The following DMD variants were observed in gnomAD, a reference collection of about 807,000 sequenced individuals.
DMD encodes the protein mutant dystrophin.
DMD carries 63 observed loss-of-function variants against 330.1 expected under a neutral mutation model. The ratio of observed to expected loss-of-function variants is 0.19; its 90% confidence interval spans 0.16 to 0.24. The LOEUF is 0.24. Among genes scored for constraint, DMD ranks in the 10% least tolerant of loss-of-function variants. The probability of loss-of-function intolerance (pLI) is 1.00; values close to 1 mark genes in which losing one functional copy is unlikely to be tolerated. For synonymous variants in DMD, 1,223 were observed against 959.8 expected, an observed-to-expected ratio of 1.27 and a Z score of -5.07; for missense variants, 3,344 against 2,684.1, an observed-to-expected ratio of 1.25 and a Z score of -5.43.
At chrX:33,318,470 CAG>C (rs1291450362) in intron 1 of DMD, among the ~76,000 whole-genome samples, 2 of 102,270 alleles carry the variant, frequency 2.0e-5, no homozygotes, top group African/African-American at 7.2e-5. Context: ...TTTTTCGAGA[CAG>C]AGTCTTGCTC....
chrX:31,951,856 G>A (rs1009840744), intron 45 of DMD, among the ~76,000 whole-genome samples: 2 of 111,237 alleles, frequency 1.8e-5, no homozygotes, highest in Non-Finnish European at 3.8e-5. Flanking sequence ...TTTTCAGCCT[G>A]AATGACTTTA....
chrX:32,304,344 C>T (rs751953610), intron 42 of DMD, among the ~76,000 whole-genome samples: 124 of 110,875 alleles, frequency 1.1e-3, no homozygotes, highest in African/African-American at 3.7e-3. Context: ...AGTAGGAGTG[C>T]GTTCTTAAAG....
chrX:32,809,672 C>T (rs1356338678), intron 6 of DMD, 61 bp from the exon 7 acceptor site: 12 of 997,587 alleles, frequency 1.2e-5, no homozygotes, highest in Non-Finnish European at 1.7e-5. Flanking sequence ...TAGAATGTTC[C>T]ATGAGATTTA....
intron 7 of DMD, among the ~76,000 whole-genome samples, chrX:32,793,655 T>C (rs2148646681): frequency 9.0e-6 from 1 of 111,116 alleles, no homozygotes; most frequent in African/African-American, 3.3e-5. Flanking sequence ...AAACTAAAAA[T>C]CTAGAGGAAT....
intron 41 of DMD, among the ~76,000 whole-genome samples, chrX:32,332,639 G>C (rs2097686643): frequency 9.0e-6 from 1 of 110,697 alleles, no homozygotes; most frequent in Non-Finnish European, 1.9e-5. Flanking sequence ...GCAGAGGAAA[G>C]TATTAAGAGA....
intron 67 of DMD, among the ~76,000 whole-genome samples, chrX:31,191,637 C>T (rs2042377346): frequency 8.9e-6 from 1 of 111,858 alleles, no homozygotes; most frequent in South Asian, 3.8e-4. Flanking sequence ...TTGTGACTTG[C>T]TCCTCCTTGC....
At chrX:31,928,495 A>T (rs1029671102) in intron 47 of DMD, among the ~76,000 whole-genome samples, 1 of 110,797 alleles carries the variant, frequency 9.0e-6, no homozygotes, top group Non-Finnish European at 1.9e-5. Context: ...AATCCCAGCT[A>T]CTAGGGAGGC....
intron 55 of DMD, among the ~76,000 whole-genome samples, chrX:31,595,240 T>C (rs752459215): frequency 9.0e-5 from 10 of 111,602 alleles, no homozygotes; most frequent in Non-Finnish European, 1.9e-4. Flanking sequence ...GACTTCAATA[T>C]GCTTCCATTT....
At chrX:31,480,387 T>C (rs2068167554) in intron 57 of DMD, among the ~76,000 whole-genome samples, 1 of 111,665 alleles carries the variant, frequency 9.0e-6, no homozygotes, top group Non-Finnish European at 1.9e-5. Flanking sequence ...TGAACCAAAA[T>C]ACTGGAGTTC....
chrX:32,992,091 T>A (rs2092993267), intron 2 of DMD, among the ~76,000 whole-genome samples: 1 of 112,165 alleles, frequency 8.9e-6, no homozygotes, highest in African/African-American at 3.2e-5. Context: ...TAAAGACAAA[T>A]GCATACTTAA....
At chrX:31,280,651 C>A (rs1325565924) in intron 62 of DMD, among the ~76,000 whole-genome samples, 3 of 111,897 alleles carry the variant, frequency 2.7e-5, no homozygotes, top group Admixed American at 9.5e-5. Context: ...GCCCTAAAAT[C>A]AAATTTAACA....
chrX:32,824,883 G>A (rs754959892), intron 4 of DMD, among the ~76,000 whole-genome samples: 3 of 111,492 alleles, frequency 2.7e-5, no homozygotes, highest in Admixed American at 1.9e-4. Context: ...AGGGGAGATT[G>A]ATCATTCAAG....
chrX:32,528,385 T>C (rs1354390638), intron 17 of DMD, among the ~76,000 whole-genome samples: 1 of 112,371 alleles, frequency 8.9e-6, no homozygotes, highest in Non-Finnish European at 1.9e-5. Flanking sequence ...CTAATTTTTA[T>C]CTTTCTGGTA....
chrX:32,872,528 C>T (rs1206804860), intron 2 of DMD, among the ~76,000 whole-genome samples: 2 of 111,886 alleles, frequency 1.8e-5, no homozygotes, highest in South Asian at 7.4e-4. Context: ...AGAAGATGAA[C>T]AACAAATAAG....
chrX:31,584,687 G>T (rs942347375), intron 55 of DMD, among the ~76,000 whole-genome samples: 2 of 111,574 alleles, frequency 1.8e-5, no homozygotes, highest in Non-Finnish European at 3.8e-5. Context: ...CTGTGCTACA[G>T]TTTCACAAAG....
At chrX:32,115,088 G>T (rs1175045068) in intron 44 of DMD, among the ~76,000 whole-genome samples, 1 of 111,845 alleles carries the variant, frequency 8.9e-6, no homozygotes, top group East Asian at 2.8e-4. Context: ...CACAGAAGTT[G>T]CTTTTGTCTC....
chrX:32,368,042 T>G (rs2097860440), intron 34 of DMD, among the ~76,000 whole-genome samples: 1 of 111,879 alleles, frequency 8.9e-6, no homozygotes, highest in African/African-American at 3.2e-5. Flanking sequence ...CCTTAAATTT[T>G]TCCCTCAAAT....
intron 60 of DMD, among the ~76,000 whole-genome samples, chrX:31,425,321 T>C (rs1484371348): frequency 1.8e-5 from 2 of 112,404 alleles, no homozygotes; most frequent in Non-Finnish European, 3.7e-5. Flanking sequence ...CAAATGGTGA[T>C]AAGAAAGCCA....
intron 1 of DMD, among the ~76,000 whole-genome samples, chrX:33,103,180 G>A (rs1191173563): frequency 2.7e-5 from 3 of 111,350 alleles, no homozygotes; most frequent in African/African-American, 6.5e-5. Context: ...TATTAAATAC[G>A]TCCAGAATTC....
Sources: gnomAD v4.1 joint callset for allele counts (sites outside exome capture counted in the v4.1 genomes callset) on GRCh38, gnomAD v4.1.1 for gene constraint, MANE v1.5 for transcripts, NCBI Gene and HGNC (gene_info 2026-07-23, HGNC 2026-07-21) for gene names.